SLC4A10: variants seen among roughly 807,000 people sequenced by gnomAD.
SLC4A10 encodes solute carrier family 4 member 10.
SLC4A10 carries 42 observed loss-of-function variants against 137.7 expected under a neutral mutation model. That is an observed-to-expected ratio of 0.30 (90% CI 0.24 to 0.39). The LOEUF (loss-of-function observed/expected upper bound fraction) is 0.39. SLC4A10 is among the 10% of genes least tolerant of loss of function. The probability of loss-of-function intolerance (pLI) is 1.00; values close to 1 mark genes in which losing one functional copy is unlikely to be tolerated. For missense variants in SLC4A10, 925 were observed against 1,355.0 expected, an observed-to-expected ratio of 0.68 and a Z score of 4.98; for synonymous variants, 474 against 464.1, an observed-to-expected ratio of 1.02 and a Z score of -0.27.
chr2:161,673,269 A>G (rs1175776035), intron 1 of SLC4A10, among the ~76,000 whole-genome samples: 2 of 152,182 alleles, frequency 1.3e-5, no homozygotes, highest in African/African-American at 4.8e-5. Context: ...AGTAAGTCAC[A>G]CAATGCATTC....
At chr2:161,783,900 CA>C (rs1284233316) in intron 2 of SLC4A10, among the ~76,000 whole-genome samples, 9 of 151,752 alleles carry the variant, frequency 5.9e-5, no homozygotes, top group Non-Finnish European at 1.3e-4. Context: ...CCTTCTCTAT[CA>C]ATAATTACTT....
At chr2:161,720,336 C>G (rs1161342625) in intron 1 of SLC4A10, among the ~76,000 whole-genome samples, 1 of 152,146 alleles carries the variant, frequency 6.6e-6, no homozygotes, top group Non-Finnish European at 1.5e-5. Context: ...CGTGATGCCT[C>G]CAGCTTTGTT....
intron 15 of SLC4A10, 82 bp from the exon 16 acceptor site, chr2:161,942,710 A>G: frequency 9.8e-7 from 1 of 1,023,766 alleles, no homozygotes; most frequent in Non-Finnish European, 1.5e-6. Flanking sequence ...TGACTGGAGA[A>G]AATGGAGCCG....
chr2:161,768,768 T>C (rs1389221816), intron 1 of SLC4A10, among the ~76,000 whole-genome samples: 2 of 151,988 alleles, frequency 1.3e-5, no homozygotes, highest in Non-Finnish European at 2.9e-5. Flanking sequence ...ATATGGTAAC[T>C]ACACCCATCT....
At chr2:161,631,116 T>C (rs1195983831) in intron 1 of SLC4A10, among the ~76,000 whole-genome samples, 1 of 151,588 alleles carries the variant, frequency 6.6e-6, no homozygotes, top group Non-Finnish European at 1.5e-5. Flanking sequence ...TAAAGTAGAT[T>C]AGGGGTTGCC....
chr2:161,918,673 A>T (rs1242596555), intron 15 of SLC4A10, among the ~76,000 whole-genome samples: 1 of 152,182 alleles, frequency 6.6e-6, no homozygotes, highest in African/African-American at 2.4e-5. Context: ...TCTGCATCAC[A>T]TTGAAGCCTA....
intron 1 of SLC4A10, among the ~76,000 whole-genome samples, chr2:161,658,204 A>G (rs751322730): frequency 4.6e-5 from 7 of 152,232 alleles, no homozygotes; most frequent in Non-Finnish European, 8.8e-5. Context: ...GAAATTTTGC[A>G]TTAGAAAACT....
chr2:161,881,392 G>A (rs575837992), intron 9 of SLC4A10, among the ~76,000 whole-genome samples: 1 of 151,792 alleles, frequency 6.6e-6, no homozygotes, highest in South Asian at 2.1e-4. Context: ...AATTGGCTTG[G>A]GTTCAGTTGT....
chr2:161,671,454 G>A (rs566441180), intron 1 of SLC4A10, among the ~76,000 whole-genome samples: 7 of 152,218 alleles, frequency 4.6e-5, no homozygotes, highest in African/African-American at 9.6e-5. Flanking sequence ...ATTAGTTGAC[G>A]CCAGGAGCAA....
chr2:161,904,067 A>G lies in SLC4A10; in HGVS notation c.1506A>G (p.Arg502=), dbSNP rs1379590995. The G allele has an allele frequency of 3.7e-6, 6 of 1,601,148 alleles. No individual in the cohort carries two copies. Among genetic ancestry groups the G allele is most frequent in the Non-Finnish European group, 5.1e-6 (6 of 1,173,082 alleles). The change falls in exon 13 of 27, where the codon AGA becomes AGG. Residue 502 remains arginine (R), a synonymous_variant. Coordinates refer to ENST00000446997, the MANE Select transcript of SLC4A10 (RefSeq NM_001178015.2). ...CTCCATACTTCTGGAGTGACTTCAG[A>G]GATGCTTTCAGCCTGCAGTGCTTAG... is the stretch of plus-strand genomic sequence containing the variant. The part of the protein sequence containing the change: ...RKAPYFWSDF[R]DAFSLQCLAS...
intron 1 of SLC4A10, among the ~76,000 whole-genome samples, chr2:161,763,701 A>C (rs929073868): frequency 6.6e-6 from 1 of 152,080 alleles, no homozygotes; most frequent in Non-Finnish European, 1.5e-5. Context: ...CCAGGGTCCA[A>C]CCCTCTGGCA....
intron 1 of SLC4A10, among the ~76,000 whole-genome samples, chr2:161,751,219 G>T (rs909396392): frequency 1.9e-4 from 29 of 151,624 alleles, no homozygotes; most frequent in African/African-American, 6.8e-4. Context: ...TCTTTTCACT[G>T]GGGAGTTTAG....
rs1006850317 is a variant in SLC4A10 at position 161,855,137 on chromosome 2, C to A, written c.577+7C>A. 1.2e-6 allele frequency: 2 copies of A among 1,602,546 alleles called. No homozygotes were observed. Among genetic ancestry groups the A allele is most frequent in the Non-Finnish European group, 1.7e-6 (2 of 1,174,498 alleles). ...ACTTTAGAAGAAATTGCAGGTATAT[C>A]TTTTCCCCCTTAGTGTATTTTATAG... On this transcript the variant is annotated splice_region_variant and intron_variant, in intron 5 of 26. Transcript: ENST00000446997.
At position 161,983,352 on chromosome 2, in the gene SLC4A10, C is replaced by T. The variant is rs954544896; in HGVS notation, c.*200C>T. ...AATTCTGTCCCTCAACCCAAATCCA[C>T]CTTCATACTGTAAGTAGTGCAATAC... On this transcript the variant is annotated 3_prime_UTR_variant, in exon 27 of 27. Transcript: ENST00000446997. 2 of 955,934 alleles carry T rather than the reference C, an allele frequency of 2.1e-6. No homozygotes were observed. Among genetic ancestry groups the T allele is most frequent in the African/African-American group, 3.3e-5 (2 of 60,692 alleles). 59.2% of individuals were successfully genotyped at this position (955,934 alleles called of 1,614,324 possible). A position where few individuals can be genotyped will look rare whatever the true frequency, so the allele number is the denominator to read the frequency against.
intron 4 of SLC4A10, among the ~76,000 whole-genome samples, chr2:161,853,642 A>T (rs17785236): frequency 0.12 from 17,635 of 152,222 alleles, 1,415 homozygotes; most frequent in Non-Finnish European, 0.19. Flanking sequence ...ACTAATATGA[A>T]AACTTTCTGT....
intron 1 of SLC4A10, among the ~76,000 whole-genome samples, chr2:161,682,824 CTT>C (rs2041010265): frequency 6.6e-6 from 1 of 152,044 alleles, no homozygotes; most frequent in South Asian, 2.1e-4. Context: ...GTGGACAGAT[CTT>C]TTACATGGCA....
chr2:161,836,059 C>T (rs142601133), intron 3 of SLC4A10, among the ~76,000 whole-genome samples: 4 of 152,266 alleles, frequency 2.6e-5, no homozygotes, highest in East Asian at 3.9e-4. Context: ...TGACTGATGG[C>T]GTATTTATGG....
Position 161,942,844 on chromosome 2 carries a change from A to T in SLC4A10, c.2050A>T (p.Arg684Trp). Residue 684 changes from arginine to tryptophan, a missense_variant, in exon 16 of 27, where the codon AGG (arginine) becomes TGG (tryptophan). Transcript: ENST00000446997. ...NPSNGTLKEW[R>W]ESNISASDII... is the part of the protein sequence containing the mutation. Reference sequence around the variant, plus strand: ...CAGCAATGGCACATTGAAGGAATGGAGGGAATCCAATATTTCTGCCTCTGA... The same window carrying T: ...CAGCAATGGCACATTGAAGGAATGGTGGGAATCCAATATTTCTGCCTCTGA... 6.2e-7 allele frequency: 1 copy of T among 1,605,668 alleles called. No homozygotes were observed. The highest frequency in any genetic ancestry group is 8.5e-7 in the Non-Finnish European group (1 of 1,175,892).
intron 16 of SLC4A10, among the ~76,000 whole-genome samples, chr2:161,944,749 T>C (rs1366804996): frequency 1.3e-5 from 2 of 151,858 alleles, no homozygotes; most frequent in African/African-American, 2.4e-5. Context: ...GGGAATACTA[T>C]ATAATGAAAA....
Sources: gnomAD v4.1 joint callset for allele counts (sites outside exome capture counted in the v4.1 genomes callset) on GRCh38, gnomAD v4.1.1 for gene constraint, MANE v1.5 for transcripts, NCBI Gene and HGNC (gene_info 2026-07-23, HGNC 2026-07-21) for gene names.